The following GLT1D1 variants were observed in gnomAD, a reference collection of about 807,000 sequenced individuals.
The protein encoded by GLT1D1 is glycosyltransferase 1 domain-containing protein 1.
Under a neutral mutation model 28.7 loss-of-function variants are expected in GLT1D1, and 21 were observed. That is an observed-to-expected ratio of 0.73 (90% confidence interval 0.52 to 1.05). The LOEUF (loss-of-function observed/expected upper bound fraction) is 1.05. GLT1D1 is among the 50% of genes least tolerant of loss of function. The pLI is 0.00. For missense variants in GLT1D1, 343 were observed against 330.6 expected (o/e 1.04, Z -0.29); for synonymous variants, 147 against 124.8 (o/e 1.18, Z -1.19).
At chr12:128,968,238 G>C (rs549360478) in intron 7 of GLT1D1, among the ~76,000 whole-genome samples, 2 of 151,702 alleles carry the variant, frequency 1.3e-5, no homozygotes, top group Non-Finnish European at 2.9e-5. Flanking sequence ...CTCGTGATCC[G>C]CCTGCCTCGG....
intron 4 of GLT1D1, chr12:128,944,271 T>A: frequency 3.3e-6 from 2 of 615,084 alleles, no homozygotes; most frequent in Middle Eastern, 5.0e-4. Context: ...TTTCTCCTTA[T>A]AGAGTAACTG....
In GLT1D1 at chr12:128,945,345, G is replaced by C; in HGVS notation, c.395G>C (p.Arg132Thr). 3.7e-6 allele frequency: 6 copies of C among 1,614,126 alleles called. No homozygotes were observed. Among genetic ancestry groups the C allele is most frequent in the Non-Finnish European group, 5.1e-6 (6 of 1,179,952 alleles). The change falls in exon 5 of 8, where the codon AGG (arginine) becomes ACG (threonine). Residue 132 changes from arginine to threonine, a missense_variant. Transcript: ENST00000281703. ...TTTCAGGTCGATCCAGTGTTTACAA[G>C]GGAAGTGAAAGCCAAAGTGAAAAGG...
intron 3 of GLT1D1, among the ~76,000 whole-genome samples, chr12:128,895,395 T>C (rs879414329): frequency 1.3e-5 from 2 of 151,966 alleles, no homozygotes; most frequent in African/African-American, 4.8e-5. Context: ...AGGTATGAAG[T>C]AGGTAGAAGT....
At chr12:128,940,781 T>C (rs933141437) in intron 4 of GLT1D1, among the ~76,000 whole-genome samples, 3 of 152,196 alleles carry the variant, frequency 2.0e-5, no homozygotes, top group Non-Finnish European at 1.5e-5. Context: ...AGGCTGCCCC[T>C]GGCCTTTAAA....
intron 5 of GLT1D1, among the ~76,000 whole-genome samples, chr12:128,946,069 T>C (rs574796619): frequency 6.6e-6 from 1 of 152,302 alleles, no homozygotes; most frequent in Admixed American, 6.5e-5. Flanking sequence ...AAGACTGTTT[T>C]TTCCCCATCT....
chr12:128,942,741 TTGTTTTTGTTTTTTG>T lies in GLT1D1; in HGVS notation c.376-2583_376-2569del, dbSNP rs1479455739. Among the ~76,000 whole-genome samples, 34 of 95,828 alleles carry T rather than the reference TTGTTTTTGTTTTTTG, an allele frequency of 3.5e-4. 6 individuals carry two copies. Among genetic ancestry groups the T allele is most frequent in the African/African-American group, 1.5e-3 (31 of 21,260 alleles). 62.9% of individuals were successfully genotyped at this position (95,828 alleles called of 152,430 possible). On this transcript the variant is annotated intron_variant, in intron 4 of 7. Coordinates refer to ENST00000281703, the MANE Select transcript of GLT1D1 (RefSeq NM_144669.3). ...TTAGATTCCAATTTTCTTTGTTTGTTTGTTTTTGTTTTTTGTTTTTTTTTTTTGAGACAGAGTCTC... is the reference window on the plus strand; with the variant it reads ...TTAGATTCCAATTTTCTTTGTTTGTTTTTTTTTTTTTTGAGACAGAGTCTC...
At chr12:128,952,800 A>ATTTTCT (rs1382507548) in intron 6 of GLT1D1, among the ~76,000 whole-genome samples, 1 of 3,242 alleles carries the variant, frequency 3.1e-4, no homozygotes. Context: ...TTTTTTTTTG[A>ATTTTCT]CGTACTCTTG....
intron 2 of GLT1D1, among the ~76,000 whole-genome samples, chr12:128,884,232 T>G (rs1222787081): frequency 6.6e-6 from 1 of 152,200 alleles, no homozygotes; most frequent in Non-Finnish European, 1.5e-5. Context: ...ACGAAGGATA[T>G]TCTGTCGTTT....
chr12:128,893,122 G>T (rs181282519), intron 3 of GLT1D1, among the ~76,000 whole-genome samples: 2 of 152,244 alleles, frequency 1.3e-5, no homozygotes, highest in East Asian at 3.9e-4. Context: ...ACACATGCCT[G>T]TAATCCCAGC....
At chr12:128,923,004 T>C (rs974895579) in intron 4 of GLT1D1, among the ~76,000 whole-genome samples, 1 of 152,106 alleles carries the variant, frequency 6.6e-6, no homozygotes, top group Non-Finnish European at 1.5e-5. Flanking sequence ...CAATGCAGAT[T>C]GTCAGCGGCT....
At chr12:128,941,204 A>G (rs771000025) in intron 4 of GLT1D1, among the ~76,000 whole-genome samples, 29 of 152,218 alleles carry the variant, frequency 1.9e-4, no homozygotes, top group Non-Finnish European at 1.0e-4. Flanking sequence ...GGATTGGCAC[A>G]TCACGTCTAC....
intron 4 of GLT1D1, among the ~76,000 whole-genome samples, chr12:128,941,101 T>C (rs941860561): frequency 6.6e-6 from 1 of 152,180 alleles, no homozygotes. Flanking sequence ...TCCTGTCTGG[T>C]GTAACTCACG....
At chr12:128,946,505 C>G (rs648099) in intron 5 of GLT1D1, among the ~76,000 whole-genome samples, 37,637 of 151,328 alleles carry the variant, frequency 0.25, 4,755 homozygotes, top group East Asian at 0.34. Context: ...CGCCGCTGCG[C>G]CCGGCTAATC....
At chr12:128,967,618 G>C (rs1226285215) in intron 7 of GLT1D1, among the ~76,000 whole-genome samples, 1 of 152,230 alleles carries the variant, frequency 6.6e-6, no homozygotes, top group East Asian at 1.9e-4. Flanking sequence ...TTATGTTTAA[G>C]TGCTGGGATC....
intron 4 of GLT1D1, 139 bp downstream of exon 6, chr12:128,915,128 A>T (rs1288339286): frequency 1.5e-6 from 1 of 661,280 alleles, no homozygotes; most frequent in East Asian, 2.8e-5. Flanking sequence ...CTGCGGCTTC[A>T]TGAGTAGTTT....
chr12:128,920,087 C>T (rs1400205350), intron 4 of GLT1D1, among the ~76,000 whole-genome samples: 1 of 151,494 alleles, frequency 6.6e-6, no homozygotes, highest in African/African-American at 2.4e-5. Flanking sequence ...CACTTTTCTT[C>T]CTCAGGCTAG....
chr12:128,976,337 A>T (rs1879761255), intron 7 of GLT1D1, among the ~76,000 whole-genome samples: 1 of 152,040 alleles, frequency 6.6e-6, no homozygotes, highest in African/African-American at 2.4e-5. Flanking sequence ...TATCTCGGGG[A>T]CTGAGGGCGG....
chr12:128,939,958 AATAT>A (rs140196849), intron 4 of GLT1D1, among the ~76,000 whole-genome samples: 1 of 147,166 alleles, frequency 6.8e-6, no homozygotes, highest in Admixed American at 6.9e-5. Context: ...CCCCATTTTT[AATAT>A]ATATATATAT....
intron 7 of GLT1D1, among the ~76,000 whole-genome samples, chr12:128,962,902 A>G (rs1378434801): frequency 6.6e-6 from 1 of 152,086 alleles, no homozygotes; most frequent in African/African-American, 2.4e-5. Context: ...GGGTTTCACC[A>G]TATTGGCCAG....
Sources: allele counts gnomAD v4.1 joint callset (sites outside exome capture counted in the v4.1 genomes callset), GRCh38; gene constraint gnomAD v4.1.1; transcripts MANE v1.5; gene names NCBI Gene and HGNC (gene_info 2026-07-23, HGNC 2026-07-21).